Variants in PCDH9 observed in about 807,000 individuals in gnomAD.
PCDH9 encodes protocadherin-9.
In PCDH9, 24 loss-of-function variants were observed where a neutral mutation model predicts 70.6. That is an observed-to-expected ratio of 0.34 (90% confidence interval 0.25 to 0.48). The LOEUF (loss-of-function observed/expected upper bound fraction) is 0.48, where lower values mean the gene tolerates loss of function less well. PCDH9 is among the 20% of genes least tolerant of loss of function. The probability of loss-of-function intolerance (pLI) is 0.99; values close to 1 mark genes in which losing one functional copy is unlikely to be tolerated. For synonymous variants in PCDH9, 562 were observed against 558.5 expected (o/e 1.01, Z -0.09); for missense variants, 1,281 against 1,503.6 (o/e 0.85, Z 2.45).
At chr13:66,556,151 C>T (rs191593834) in intron 4 of PCDH9, among the ~76,000 whole-genome samples, 63 of 151,816 alleles carry the variant, frequency 4.1e-4, no homozygotes, top group African/African-American at 1.4e-3. Context: ...CTTTGGGTGC[C>T]TGGTACTGAA....
intron 3 of PCDH9, among the ~76,000 whole-genome samples, chr13:66,718,678 G>A (rs1484635322): frequency 1.3e-5 from 2 of 152,144 alleles, no homozygotes; most frequent in South Asian, 2.1e-4. Flanking sequence ...AGCAATTTTC[G>A]AGGGAACAAC....
At chr13:66,525,861 C>A (rs115248518) in intron 4 of PCDH9, among the ~76,000 whole-genome samples, 3 of 152,146 alleles carry the variant, frequency 2.0e-5, no homozygotes, top group Non-Finnish European at 4.4e-5. Flanking sequence ...AGACGACATA[C>A]GTTCTTCACT....
At chr13:66,798,590 G>A (rs918433785) in intron 3 of PCDH9, among the ~76,000 whole-genome samples, 3 of 152,082 alleles carry the variant, frequency 2.0e-5, no homozygotes, top group African/African-American at 7.2e-5. Flanking sequence ...GGAAAGTTTT[G>A]CCTAACGGAA....
At chr13:66,927,558 A>G (rs919123023) in intron 2 of PCDH9, among the ~76,000 whole-genome samples, 1 of 152,242 alleles carries the variant, frequency 6.6e-6, no homozygotes, top group Non-Finnish European at 1.5e-5. Flanking sequence ...AGTTAAAAAC[A>G]AAAACAAAGA....
chr13:66,699,184 G>C (rs1020032457), intron 3 of PCDH9, among the ~76,000 whole-genome samples: 3 of 152,036 alleles, frequency 2.0e-5, no homozygotes, highest in African/African-American at 7.2e-5. Flanking sequence ...AAAGTGCTGG[G>C]ATTACAGGTG....
chr13:66,373,797 C>A lies in PCDH9; in HGVS notation c.3341-68769G>T, dbSNP rs980890744. ...ACAAAGGTTTTCATAGTTCCCACTC[C>A]GTGGGTATGAGCACAGTGTTATAGA... On this transcript the variant is annotated intron_variant, in intron 4 of 4. Transcript: ENST00000377865. Among the ~76,000 whole-genome samples the A allele has an allele frequency of 2.0e-5, 3 of 152,184 alleles. No homozygotes were observed. In the East Asian group the frequency reaches 5.8e-4, roughly 29 times the overall value.
chr13:66,835,279 TC>T (rs2080997328), intron 3 of PCDH9, among the ~76,000 whole-genome samples: 1 of 152,126 alleles, frequency 6.6e-6, no homozygotes. Context: ...CGGCTGGAGC[TC>T]CCCTGTGGAT....
At chr13:67,054,827 T>C (rs1324639471) in intron 2 of PCDH9, among the ~76,000 whole-genome samples, 1 of 152,168 alleles carries the variant, frequency 6.6e-6, no homozygotes, top group Non-Finnish European at 1.5e-5. Flanking sequence ...AACATTTATG[T>C]CCCTGCATCT....
chr13:66,877,390 T>G (rs1401166143), intron 3 of PCDH9, among the ~76,000 whole-genome samples: 1 of 151,754 alleles, frequency 6.6e-6, no homozygotes, highest in East Asian at 1.9e-4. Context: ...AGTGGTTTTT[T>G]TTTTTTGTTA....
At chr13:66,714,627 C>T (rs1172095893) in intron 3 of PCDH9, among the ~76,000 whole-genome samples, 1 of 151,796 alleles carries the variant, frequency 6.6e-6, no homozygotes, top group African/African-American at 2.4e-5. Context: ...GTTCATGTAC[C>T]CTATTAATCT....
intron 4 of PCDH9, among the ~76,000 whole-genome samples, chr13:66,471,135 C>A (rs1329608472): frequency 6.6e-6 from 1 of 151,876 alleles, no homozygotes; most frequent in Non-Finnish European, 1.5e-5. Context: ...TTGCTACTTG[C>A]ACATAAAATC....
At chr13:66,505,864 C>A (rs1289085933) in intron 4 of PCDH9, among the ~76,000 whole-genome samples, 1 of 152,024 alleles carries the variant, frequency 6.6e-6, no homozygotes, top group Admixed American at 6.6e-5. Context: ...CGAGGCTGGA[C>A]TCAAACTCCT....
chr13:66,315,330 G>A (rs758310876), intron 4 of PCDH9, among the ~76,000 whole-genome samples: 1 of 152,192 alleles, frequency 6.6e-6, no homozygotes, highest in Non-Finnish European at 1.5e-5. Context: ...CTAAATGGGT[G>A]ACAACTGAGA....
chr13:66,446,689 A>G (rs1311041781), intron 4 of PCDH9, among the ~76,000 whole-genome samples: 1 of 152,076 alleles, frequency 6.6e-6, no homozygotes, highest in Non-Finnish European at 1.5e-5. Flanking sequence ...TGTTCATATT[A>G]CATGAAAGAA....
At chr13:66,775,861 T>G (rs867523347) in intron 3 of PCDH9, among the ~76,000 whole-genome samples, 32 of 152,166 alleles carry the variant, frequency 2.1e-4, no homozygotes, top group African/African-American at 7.7e-4. Flanking sequence ...AGCGTTCAAC[T>G]GTGTTGACCC....
chr13:67,188,359 G>C (rs1315208870), intron 2 of PCDH9, among the ~76,000 whole-genome samples: 1 of 152,042 alleles, frequency 6.6e-6, no homozygotes, highest in Non-Finnish European at 1.5e-5. Context: ...GTGATGCAAA[G>C]TAAAGATTTT....
chr13:66,508,780 A>G (rs1869016333), intron 4 of PCDH9, among the ~76,000 whole-genome samples: 1 of 152,182 alleles, frequency 6.6e-6, no homozygotes, highest in Non-Finnish European at 1.5e-5. Flanking sequence ...CTGATATCCA[A>G]TCTGTTTTGT....
chr13:67,125,679 A>C (rs971828956), intron 2 of PCDH9, among the ~76,000 whole-genome samples: 28 of 152,160 alleles, frequency 1.8e-4, no homozygotes, highest in African/African-American at 6.3e-4. Flanking sequence ...AAAAAGTAGA[A>C]TAGGTTCTCC....
intron 3 of PCDH9, among the ~76,000 whole-genome samples, chr13:66,743,263 A>G (rs2079298700): frequency 9.4e-6 from 1 of 106,190 alleles, no homozygotes; most frequent in Non-Finnish European, 2.0e-5. Flanking sequence ...CAAACACCGC[A>G]TATTCTCACT....
Sources: gnomAD v4.1 joint callset for allele counts (sites outside exome capture counted in the v4.1 genomes callset) on GRCh38, gnomAD v4.1.1 for gene constraint, MANE v1.5 for transcripts, NCBI Gene and HGNC (gene_info 2026-07-23, HGNC 2026-07-21) for gene names.